BNC2: variants seen among roughly 807,000 people sequenced by gnomAD.
BNC2 encodes basonuclin zinc finger protein 2.
A neutral mutation model predicts 76.3 loss-of-function variants in BNC2; 20 were observed. That is an observed-to-expected ratio of 0.26 (90% CI 0.18 to 0.38). The LOEUF (loss-of-function observed/expected upper bound fraction) is 0.38. BNC2 is among the 10% of genes least tolerant of loss of function. The pLI is 1.00. For missense variants in BNC2, 1,382 were observed against 1,399.8 expected (o/e 0.99, Z 0.20); for synonymous variants, 582 against 514.8 (o/e 1.13, Z -1.77).
chr9:16,492,498 A>G (rs1822299374), intron 5 of BNC2, among the ~76,000 whole-genome samples: 2 of 152,212 alleles, frequency 1.3e-5, no homozygotes, highest in Admixed American at 6.5e-5. Flanking sequence ...CTGGTTGTGA[A>G]AACAGGAGGA....
At chr9:16,659,605 T>C (rs1421384327) in intron 3 of BNC2, among the ~76,000 whole-genome samples, 2 of 63,090 alleles carry the variant, frequency 3.2e-5, no homozygotes, top group Non-Finnish European at 8.8e-5. Context: ...AGACTCCGTC[T>C]CAAAAAAAAA....
chr9:16,513,329 CAG>C (rs1372866429), intron 5 of BNC2, among the ~76,000 whole-genome samples: 2 of 102,052 alleles, frequency 2.0e-5, no homozygotes, highest in Non-Finnish European at 3.6e-5. Context: ...TTTTTTGAGA[CAG>C]AGTCTCGCTC....
At chr9:16,664,247 G>A (rs953724118) in intron 3 of BNC2, among the ~76,000 whole-genome samples, 1 of 152,070 alleles carries the variant, frequency 6.6e-6, no homozygotes, top group African/African-American at 2.4e-5. Flanking sequence ...GAGTCCCAAG[G>A]TTGTCCCTCC....
chr9:16,770,285 AT>A (rs1270250349), intron 1 of BNC2, among the ~76,000 whole-genome samples: 8 of 152,268 alleles, frequency 5.3e-5, no homozygotes, highest in African/African-American at 1.9e-4. Flanking sequence ...ATATGGGCTG[AT>A]TGTGCTCTTT....
chr9:16,784,653 A>G (rs1403308590), intron 1 of BNC2, among the ~76,000 whole-genome samples: 1 of 152,210 alleles, frequency 6.6e-6, no homozygotes, highest in Non-Finnish European at 1.5e-5. Context: ...TGGCAAAGTC[A>G]GAGGTGTTTT....
At chr9:16,823,363 G>A (rs1818383397) in intron 1 of BNC2, among the ~76,000 whole-genome samples, 1 of 151,224 alleles carries the variant, frequency 6.6e-6, no homozygotes, top group Admixed American at 6.6e-5. Context: ...GGCCAAGGTG[G>A]GAGGATCACT....
rs1392835130 is a variant in BNC2 at position 16,417,462 on chromosome 9, CCTT to C, written c.*1524_*1526del. On this transcript the variant is annotated 3_prime_UTR_variant, in exon 7 of 7. Transcript: ENST00000380672. The stretch of plus-strand genomic sequence containing the variant: ...ATTGAGAGATCCTGCTTTAAAACCC[CCTT>C]CTTCTGGCTTTTCAGAAAGGAGTGT... The C allele has an allele frequency of 5.3e-5, 8 of 152,176 alleles. No homozygotes were observed. The highest frequency in any genetic ancestry group is 7.4e-5 in the Non-Finnish European group (5 of 67,994). The allele number at this position is 152,176 out of a possible 1,614,324, so 9.4% of individuals were successfully genotyped here.
At chr9:16,526,845 C>G (rs1030153392) in intron 5 of BNC2, among the ~76,000 whole-genome samples, 5 of 152,176 alleles carry the variant, frequency 3.3e-5, no homozygotes, top group Non-Finnish European at 7.3e-5. Context: ...CATGAAAAAA[C>G]TTACAATCCA....
chr9:16,757,891 T>C (rs1410461623), intron 1 of BNC2, among the ~76,000 whole-genome samples: 3 of 152,216 alleles, frequency 2.0e-5, no homozygotes, highest in African/African-American at 7.2e-5. Flanking sequence ...GTGATAATTT[T>C]ATTCAAGAAA....
intron 5 of BNC2, among the ~76,000 whole-genome samples, chr9:16,537,865 A>G (rs1391113159): frequency 6.6e-6 from 1 of 152,160 alleles, no homozygotes; most frequent in Non-Finnish European, 1.5e-5. Flanking sequence ...TGAAAACCCT[A>G]TACTATAGCA....
intron 5 of BNC2, among the ~76,000 whole-genome samples, chr9:16,457,278 T>C (rs1821472736): frequency 6.6e-6 from 1 of 152,166 alleles, no homozygotes; most frequent in Admixed American, 6.5e-5. Context: ...TTTCTCCTCA[T>C]ATGGAATCTT....
chr9:16,610,926 A>C (rs1160185709), intron 3 of BNC2, among the ~76,000 whole-genome samples: 7 of 152,170 alleles, frequency 4.6e-5, no homozygotes, highest in Non-Finnish European at 8.8e-5. Flanking sequence ...CATACTTTTT[A>C]ATAATACAGC....
intron 3 of BNC2, among the ~76,000 whole-genome samples, chr9:16,663,173 A>C (rs1587287992): frequency 8.4e-6 from 1 of 119,038 alleles, no homozygotes; most frequent in Admixed American, 1.0e-4. Flanking sequence ...CCTGTTGCCC[A>C]GGCTAGAGTG....
rs77499139 is a variant in BNC2, at chr9:16,721,102, T to C, written c.330+6695A>G. ...GGTCAGGCTCAATGAGGAGGAAATG[T>C]GGGGACCCTGGATGTCATGGCCCCA... is the stretch of plus-strand genomic sequence containing the variant. On this transcript the variant is annotated intron_variant, in intron 3 of 6. Transcript: ENST00000380672. Among the ~76,000 whole-genome samples, 1,244 of 152,316 alleles carry C rather than the reference T, an allele frequency of 8.2e-3. 5 individuals carry two copies. The highest frequency in any genetic ancestry group is 0.012 in the Non-Finnish European group (848 of 68,022).
At chr9:16,849,421 C>T (rs1481338010) in intron 1 of BNC2, among the ~76,000 whole-genome samples, 3 of 137,916 alleles carry the variant, frequency 2.2e-5, no homozygotes, top group Admixed American at 1.6e-4. Context: ...TACAGTGGCG[C>T]AATCTCGGCT....
At chr9:16,438,123 T>C (rs1821057654) in intron 5 of BNC2, among the ~76,000 whole-genome samples, 1 of 151,010 alleles carries the variant, frequency 6.6e-6, no homozygotes, top group African/African-American at 2.4e-5. Context: ...TTTTTTTGAG[T>C]GGCTATATTT....
intron 1 of BNC2, among the ~76,000 whole-genome samples, chr9:16,770,821 C>G (rs961223229): frequency 6.6e-6 from 1 of 151,634 alleles, no homozygotes; most frequent in Non-Finnish European, 1.5e-5. Flanking sequence ...GCCAAGATAG[C>G]GAGATCATGC....
chr9:16,485,119 C>CACACAG (rs1239152587), intron 5 of BNC2, among the ~76,000 whole-genome samples: 7 of 146,556 alleles, frequency 4.8e-5, no homozygotes, highest in African/African-American at 1.7e-4. Context: ...CAGACACACA[C>CACACAG]ACACACACAC....
At chr9:16,605,478 C>G (rs933626768) in intron 3 of BNC2, among the ~76,000 whole-genome samples, 4 of 152,250 alleles carry the variant, frequency 2.6e-5, no homozygotes, top group African/African-American at 9.6e-5. Context: ...TTCCGATCAA[C>G]TTCACTACCT....
Sources: gnomAD v4.1 joint callset for allele counts (sites outside exome capture counted in the v4.1 genomes callset) on GRCh38, gnomAD v4.1.1 for gene constraint, MANE v1.5 for transcripts, NCBI Gene and HGNC (gene_info 2026-07-23, HGNC 2026-07-21) for gene names.